NR2F1-AS1: variants seen among roughly 807,000 people sequenced by gnomAD.
The protein encoded by NR2F1-AS1 is NR2F1 antisense RNA 1.
At chr5:93,449,969 A>G (rs1339612363) in intron 4 of NR2F1-AS1, among the ~76,000 whole-genome samples, 1 of 152,216 alleles carries the variant, frequency 6.6e-6, no homozygotes, top group Non-Finnish European at 1.5e-5. Context: ...TTAGTGTTTC[A>G]ACTTGAAATT....
intron 4 of NR2F1-AS1, among the ~76,000 whole-genome samples, chr5:93,418,090 G>C (rs1749005370): frequency 6.6e-6 from 1 of 152,120 alleles, no homozygotes; most frequent in African/African-American, 2.4e-5. Flanking sequence ...CCAGGTAAAG[G>C]ATAGCCAACT....
intron 4 of NR2F1-AS1, among the ~76,000 whole-genome samples, chr5:93,539,004 C>A (rs954931940): frequency 6.6e-6 from 1 of 152,104 alleles, no homozygotes. Context: ...CTGGGCCAGG[C>A]GTAGTGGTTC....
At chr5:93,520,358 C>G (rs1299324855) in intron 4 of NR2F1-AS1, among the ~76,000 whole-genome samples, 4 of 152,054 alleles carry the variant, frequency 2.6e-5, no homozygotes, top group African/African-American at 9.7e-5. Context: ...GCTGTCAAAT[C>G]CACAGTCCCA....
At chr5:93,527,217 C>G (rs1200352233) in intron 4 of NR2F1-AS1, among the ~76,000 whole-genome samples, 2 of 151,854 alleles carry the variant, frequency 1.3e-5, no homozygotes, top group Non-Finnish European at 2.9e-5. Context: ...ACAGACAGAG[C>G]CAAATCATGA....
intron 1 of NR2F1-AS1, among the ~76,000 whole-genome samples, chr5:93,572,154 G>T (rs1208303308): frequency 6.6e-6 from 1 of 152,180 alleles, no homozygotes; most frequent in Non-Finnish European, 1.5e-5. Flanking sequence ...ACGTGCTCGG[G>T]GCTGCTGTGC....
intron 4 of NR2F1-AS1, among the ~76,000 whole-genome samples, chr5:93,440,629 A>C (rs956841259): frequency 1.3e-5 from 2 of 152,124 alleles, no homozygotes; most frequent in Admixed American, 1.3e-4. Flanking sequence ...CAAGTAAGCC[A>C]GTTTTTTATA....
At position 93,579,453 on chromosome 5, in the gene NR2F1-AS1, C is replaced by T. The variant is rs1752968799; in HGVS notation, n.313+1014G>A. 2.0e-5 allele frequency among the ~76,000 whole-genome samples: 3 copies of T among 152,146 alleles called. No homozygotes were observed. Among genetic ancestry groups the T allele is most frequent in the Admixed American group, 2.0e-4 (3 of 15,292 alleles). Reference sequence around the variant, plus strand: ...CAAGTTTGAAAGCTCTGTGGGGGCACGGAGAGCCCACAGTAAGGATGGGTG... The same window carrying T: ...CAAGTTTGAAAGCTCTGTGGGGGCATGGAGAGCCCACAGTAAGGATGGGTG... On this transcript the variant is annotated intron_variant and non_coding_transcript_variant, in intron 1 of 5. Transcript: ENST00000660523. The surrounding 1 kb of genome is among the most constrained non-coding windows in gnomAD (Gnocchi z 5.1).
chr5:93,547,133 G>A (rs1353643549), intron 4 of NR2F1-AS1, among the ~76,000 whole-genome samples: 1 of 152,054 alleles, frequency 6.6e-6, no homozygotes, highest in Non-Finnish European at 1.5e-5. Flanking sequence ...TCATATATGT[G>A]TGTGCGTGGG....
intron 1 of NR2F1-AS1, among the ~76,000 whole-genome samples, chr5:93,572,175 C>T (rs1752784481): frequency 6.6e-6 from 1 of 152,202 alleles, no homozygotes; most frequent in African/African-American, 2.4e-5. Context: ...TCCAGCTGTG[C>T]GTTTCGGAGC....
chr5:93,568,717 G>A (rs1752671167), intron 1 of NR2F1-AS1, among the ~76,000 whole-genome samples: 1 of 152,084 alleles, frequency 6.6e-6, no homozygotes. Flanking sequence ...TGGCTATGCT[G>A]ATGCATTTTT....
At chr5:93,445,424 C>T (rs1443331713) in intron 4 of NR2F1-AS1, among the ~76,000 whole-genome samples, 42 of 152,132 alleles carry the variant, frequency 2.8e-4, no homozygotes, top group Non-Finnish European at 4.1e-4. Context: ...AACACCTCTA[C>T]GCAAATAAAC....
chr5:93,439,680 C>G (rs536104325), intron 4 of NR2F1-AS1, among the ~76,000 whole-genome samples: 55 of 152,318 alleles, frequency 3.6e-4, no homozygotes, highest in African/African-American at 1.2e-3. Flanking sequence ...TCAGACCAAG[C>G]CTCCATCCTC....
intron 4 of NR2F1-AS1, among the ~76,000 whole-genome samples, chr5:93,489,415 G>GTATATA (rs147424258): frequency 1.3e-5 from 2 of 148,726 alleles, no homozygotes; most frequent in East Asian, 3.9e-4. Flanking sequence ...TTTAATTAAG[G>GTATATA]TATATATATA....
At chr5:93,443,611 G>C (rs1216568713) in intron 4 of NR2F1-AS1, among the ~76,000 whole-genome samples, 1 of 152,200 alleles carries the variant, frequency 6.6e-6, no homozygotes, top group Non-Finnish European at 1.5e-5. Flanking sequence ...ATGGAACCAA[G>C]TTGGAAAACA....
intron 4 of NR2F1-AS1, among the ~76,000 whole-genome samples, chr5:93,464,468 T>C (rs1008802450): frequency 2.0e-5 from 3 of 152,236 alleles, no homozygotes; most frequent in African/African-American, 7.2e-5. Context: ...CCTTCTAATA[T>C]AGTCTTAGAA....
rs554808838 is a variant in NR2F1-AS1 at position 93,534,224 on chromosome 5, C to G, written n.638+19537G>C. The stretch of plus-strand genomic sequence containing the variant: ...ATCTCATTTGAGTCTCACGATTACC[C>G]TGTGAGGTAATACTATCATTCCTAT... On this transcript the variant is annotated intron_variant and non_coding_transcript_variant, in intron 4 of 5. Transcript: ENST00000660523. Among the ~76,000 whole-genome samples, 5 of 152,274 alleles carry G rather than the reference C, an allele frequency of 3.3e-5. No individual in the cohort carries two copies. The South Asian group carries it at 1.0e-3, about 32-fold the overall frequency.
At chr5:93,520,821 TC>T (rs1580298201) in intron 4 of NR2F1-AS1, among the ~76,000 whole-genome samples, 1 of 152,038 alleles carries the variant, frequency 6.6e-6, no homozygotes, top group Non-Finnish European at 1.5e-5. Flanking sequence ...ATTGCAAGCC[TC>T]CCCCCAAAGA....
intron 4 of NR2F1-AS1, among the ~76,000 whole-genome samples, chr5:93,473,734 C>T (rs908807756): frequency 6.6e-6 from 1 of 151,288 alleles, no homozygotes; most frequent in Non-Finnish European, 1.5e-5. Context: ...TTTTGAGATA[C>T]AAAGGAATTG....
At chr5:93,501,555 T>TCAGTCGAGACCA (rs1751080660) in intron 4 of NR2F1-AS1, among the ~76,000 whole-genome samples, 21 of 152,146 alleles carry the variant, frequency 1.4e-4, no homozygotes, top group Admixed American at 1.2e-3. Context: ...AGTTTCACTA[T>TCAGTCGAGACCA]GTTGTCCAGG....
Sources: gnomAD v4.1 joint callset for allele counts (sites outside exome capture counted in the v4.1 genomes callset) on GRCh38, gnomAD v4.1.1 for gene constraint, Gnocchi (gnomAD v3.1) non-coding constraint, MANE v1.5 for transcripts, NCBI Gene and HGNC (gene_info 2026-07-23, HGNC 2026-07-21) for gene names.